The following THADA variants were observed in gnomAD, a reference collection of about 807,000 sequenced individuals.
The protein encoded by THADA is tRNA (32-2'-O)-methyltransferase regulator THADA.
THADA carries 213 observed loss-of-function variants against 219.8 expected under a neutral mutation model. The ratio of observed to expected loss-of-function variants is 0.97; its 90% CI spans 0.87 to 1.09. The LOEUF (loss-of-function observed/expected upper bound fraction) is 1.09, where lower values mean the gene tolerates loss of function less well. Ranked by LOEUF, THADA falls within the 50% of genes least tolerant of loss-of-function variation. The probability of loss-of-function intolerance (pLI) is 0.00; values close to 1 mark genes in which losing one functional copy is unlikely to be tolerated. For missense variants in THADA, 2,956 were observed against 2,311.3 expected (o/e 1.28, Z -5.72); for synonymous variants, 1,018 against 828.9 (o/e 1.23, Z -3.92).
At chr2:43,566,640 A>G (rs1698717614) in intron 15 of THADA, 58 bp downstream of exon 15, 1 of 1,567,896 alleles carries the variant, frequency 6.4e-7, no homozygotes, top group Non-Finnish European at 8.8e-7. Flanking sequence ...AAAATGTAGA[A>G]TAAGTATGTT....
chr2:43,398,080 A>G lies in THADA; in HGVS notation c.4118T>C (p.Phe1373Ser), dbSNP rs934419812. 3.3e-5 allele frequency: 53 copies of G among 1,613,920 alleles called. No homozygotes were observed. Among genetic ancestry groups the G allele is most frequent in the Middle Eastern group, 1.6e-4 (1 of 6,084 alleles). Residue 1373 changes from phenylalanine to serine, a missense_variant, in exon 29 of 38, where the codon TTT (phenylalanine) becomes TCT (serine). By Grantham distance (155) the Phe-to-Ser change is radical (BLOSUM62 -2). Coordinates refer to ENST00000405975, the MANE Select transcript of THADA (RefSeq NM_022065.5). Reference sequence around the variant, plus strand: ...ATTAGGAATGTGATCTATCATAACAAATGGGACCAAGGCACGAGCTGCCAT... The same window carrying G: ...ATTAGGAATGTGATCTATCATAACAGATGGGACCAAGGCACGAGCTGCCAT... ...REMAARALVPFVMIDHIPNTI... is the reference protein window; with the variant it reads ...REMAARALVPSVMIDHIPNTI...
chr2:43,450,375 C>A (rs1682161854), intron 26 of THADA, among the ~76,000 whole-genome samples: 1 of 151,656 alleles, frequency 6.6e-6, no homozygotes, highest in African/African-American at 2.4e-5. Context: ...GAGACGAAGC[C>A]ATATAGGAGC....
At chr2:43,442,797 A>C (rs1681014870) in intron 26 of THADA, among the ~76,000 whole-genome samples, 1 of 152,146 alleles carries the variant, frequency 6.6e-6, no homozygotes, top group Non-Finnish European at 1.5e-5. Flanking sequence ...TCTGTAGGTT[A>C]AGGACCATGT....
chr2:43,442,978 G>A (rs927784668), intron 26 of THADA, among the ~76,000 whole-genome samples: 1 of 152,100 alleles, frequency 6.6e-6, no homozygotes, highest in African/African-American at 2.4e-5. Flanking sequence ...CTTCTTCCAG[G>A]ACACATTCCC....
At position 43,581,788 on chromosome 2, in the gene THADA, T is replaced by C; in HGVS notation, c.674A>G (p.Gln225Arg). ...LWKTSDSPIW[Q>R]NMCGLLSIFT... ...AATACTCAGCAATCCACACATATTTTGCCATATGGGAGAATCGGAAGTCTT... is the reference window on the plus strand; with the variant it reads ...AATACTCAGCAATCCACACATATTTCGCCATATGGGAGAATCGGAAGTCTT... The change falls in exon 8 of 38, where the codon CAA becomes CGA. Residue 225 changes from glutamine to arginine, a missense_variant. Gln to Arg is a conservative substitution (Grantham distance 43). Transcript: ENST00000405975. 3 of 1,612,620 alleles carry C rather than the reference T, an allele frequency of 1.9e-6. No homozygotes were observed. The highest frequency in any genetic ancestry group is 2.5e-6 in the Non-Finnish European group (3 of 1,179,660).
chr2:43,284,462 T>C (rs1242003626), intron 35 of THADA, among the ~76,000 whole-genome samples: 1 of 152,142 alleles, frequency 6.6e-6, no homozygotes, highest in African/African-American at 2.4e-5. Context: ...GTGGCTTTCA[T>C]GTGGTGTTGG....
intron 26 of THADA, among the ~76,000 whole-genome samples, chr2:43,474,377 G>T (rs1268768538): frequency 5.9e-5 from 9 of 152,190 alleles, no homozygotes; most frequent in African/African-American, 2.2e-4. Flanking sequence ...TCCCCTGAGA[G>T]AGAGGAAAGG....
Position 43,317,409 on chromosome 2 carries a change from A to G in THADA, c.4438+3037T>C, listed in dbSNP as rs570458216. Among the ~76,000 whole-genome samples the G allele has an allele frequency of 1.3e-3, 194 of 152,344 alleles. 2 individuals carry two copies. Among genetic ancestry groups the G allele is most frequent in the Non-Finnish European group, 7.4e-4 (50 of 68,016 alleles). On this transcript the variant is annotated intron_variant, in intron 31 of 37. Transcript: ENST00000405975. ...GGGCCTACTATGTGCTTAGACGACA[A>G]AGAATCTAAGACATGGTCCATTCTT... is the stretch of plus-strand genomic sequence containing the variant.
chr2:43,512,710 C>A (rs758926626), intron 22 of THADA, among the ~76,000 whole-genome samples: 2 of 152,220 alleles, frequency 1.3e-5, no homozygotes, highest in Non-Finnish European at 2.9e-5. Context: ...CCATGTTGGT[C>A]GGGCTGATCT....
At chr2:43,383,735 G>A (rs1336105716) in intron 29 of THADA, among the ~76,000 whole-genome samples, 1 of 152,122 alleles carries the variant, frequency 6.6e-6, no homozygotes, top group African/African-American at 2.4e-5. Flanking sequence ...CACACTTTGA[G>A]TGACAAGGTT....
At chr2:43,371,191 T>G (rs186918532) in intron 29 of THADA, among the ~76,000 whole-genome samples, 1 of 152,244 alleles carries the variant, frequency 6.6e-6, no homozygotes, top group Non-Finnish European at 1.5e-5. Flanking sequence ...GGAACCTTTT[T>G]AGATAAAGAA....
intron 26 of THADA, among the ~76,000 whole-genome samples, chr2:43,473,877 G>C (rs1685211071): frequency 6.6e-6 from 1 of 152,140 alleles, no homozygotes; most frequent in African/African-American, 2.4e-5. Context: ...CCAGATTACA[G>C]GGATTACGGG....
chr2:43,326,186 A>C (rs1265069990), intron 30 of THADA, among the ~76,000 whole-genome samples: 2 of 144,110 alleles, frequency 1.4e-5, no homozygotes, highest in Non-Finnish European at 3.1e-5. Flanking sequence ...AAAAAAAAAC[A>C]CTTGAAAGCC....
intron 28 of THADA, among the ~76,000 whole-genome samples, chr2:43,420,822 T>C (rs1677616133): frequency 6.6e-6 from 1 of 152,192 alleles, no homozygotes; most frequent in Non-Finnish European, 1.5e-5. Flanking sequence ...AGACACATAA[T>C]GCAAAACATA....
At chr2:43,343,727 C>T (rs1198869524) in intron 30 of THADA, 1 of 157,630 alleles carries the variant, frequency 6.3e-6, no homozygotes, top group Non-Finnish European at 1.4e-5. Flanking sequence ...ATCTGTCCCT[C>T]AGTGCCTGCT....
At chr2:43,298,096 G>A (rs1185394110) in intron 31 of THADA, among the ~76,000 whole-genome samples, 17 of 97,994 alleles carry the variant, frequency 1.7e-4, no homozygotes, top group African/African-American at 2.7e-4. Context: ...TCTGGGAGGT[G>A]TGCCCAACAG....
intron 28 of THADA, among the ~76,000 whole-genome samples, chr2:43,425,145 C>G (rs374435198): frequency 6.6e-6 from 1 of 152,192 alleles, no homozygotes; most frequent in East Asian, 1.9e-4. Flanking sequence ...ACAAGCCCTG[C>G]ACTCTTGGGT....
At position 43,570,503 on chromosome 2, in the gene THADA, C is replaced by CA; in HGVS notation, c.2071dup (p.Cys691LeufsTer2). On this transcript the variant is annotated frameshift_variant, in exon 14 of 38. Coordinates refer to ENST00000405975, the MANE Select transcript of THADA (RefSeq NM_022065.5). LOFTEE classifies it high-confidence loss of function. ...TACCTGAGAACTTTCCTGTATCCTA[C>CA]AAAACAACTTTTGAAACAAAGGAAA... The CA allele has an allele frequency of 6.2e-7, 1 of 1,605,172 alleles. No homozygotes were observed. The highest frequency in any genetic ancestry group is 8.5e-7 in the Non-Finnish European group (1 of 1,177,602).
intron 14 of THADA, among the ~76,000 whole-genome samples, 198 bp downstream of exon 14, chr2:43,570,190 C>T (rs539802014): frequency 2.0e-5 from 3 of 152,234 alleles, no homozygotes; most frequent in African/African-American, 7.2e-5. Flanking sequence ...AACAGTCCTC[C>T]GGTACAGCAC....
Sources: gnomAD v4.1 joint callset for allele counts (sites outside exome capture counted in the v4.1 genomes callset) on GRCh38, gnomAD v4.1.1 for gene constraint, MANE v1.5 for transcripts, NCBI Gene and HGNC (gene_info 2026-07-23, HGNC 2026-07-21) for gene names.